The following KCNAB1 variants were observed in gnomAD, a reference collection of about 807,000 sequenced individuals.
KCNAB1 encodes the protein voltage-gated potassium channel subunit beta-1.
A neutral mutation model predicts 64.6 loss-of-function variants in KCNAB1; 35 were observed. The ratio of observed to expected loss-of-function variants is 0.54; its 90% CI spans 0.41 to 0.72. The LOEUF is 0.72. Ranked by LOEUF, KCNAB1 falls within the 30% of genes least tolerant of loss-of-function variation. The pLI is 0.00. For synonymous variants in KCNAB1, 177 were observed against 183.8 expected (o/e 0.96, Z 0.30); for missense variants, 401 against 512.9 (o/e 0.78, Z 2.11).
intron 1 of KCNAB1, among the ~76,000 whole-genome samples, chr3:156,337,162 C>A (rs1487774191): frequency 6.6e-6 from 1 of 152,144 alleles, no homozygotes; most frequent in Non-Finnish European, 1.5e-5. Flanking sequence ...CCAATAACTC[C>A]TCCTCTAGAA....
intron 1 of KCNAB1, among the ~76,000 whole-genome samples, chr3:156,354,325 G>A (rs1025931699): frequency 3.3e-5 from 5 of 151,222 alleles, no homozygotes; most frequent in African/African-American, 1.2e-4. Context: ...ACCATGCCCA[G>A]CTAATTTTGT....
intron 1 of KCNAB1, among the ~76,000 whole-genome samples, chr3:156,145,409 TCTC>T (rs1714979820): frequency 6.6e-6 from 1 of 152,110 alleles, no homozygotes; most frequent in South Asian, 2.1e-4. Context: ...TTTAAGACAT[TCTC>T]CTGCAACCAT....
chr3:156,441,930 G>T (rs1441914661), intron 2 of KCNAB1, among the ~76,000 whole-genome samples: 1 of 152,144 alleles, frequency 6.6e-6, no homozygotes, highest in Non-Finnish European at 1.5e-5. Context: ...TCTTGCTCAT[G>T]AATGGATCTT....
At position 156,317,016 on chromosome 3, in the gene KCNAB1, A is replaced by C. The variant is rs565761301; in HGVS notation, c.276-104600A>C. ...GAGAAATGACTAGCACAGGGCCCAG[A>C]GCATAAGTTCTCAATAAATGTTAGT... On this transcript the variant is annotated intron_variant, in intron 1 of 13. Transcript: ENST00000490337. 4.6e-5 allele frequency among the ~76,000 whole-genome samples: 7 copies of C among 152,294 alleles called. No homozygotes were observed. In the East Asian group the frequency reaches 1.3e-3, roughly 29 times the overall value.
At chr3:156,153,285 G>A (rs140076958) in intron 1 of KCNAB1, among the ~76,000 whole-genome samples, 23 of 152,318 alleles carry the variant, frequency 1.5e-4, no homozygotes, top group African/African-American at 5.5e-4. Flanking sequence ...ACTTGAGGAT[G>A]ACATTGTTCT....
chr3:156,340,988 C>T (rs796508450), intron 1 of KCNAB1, among the ~76,000 whole-genome samples: 2 of 152,068 alleles, frequency 1.3e-5, no homozygotes, highest in South Asian at 4.1e-4. Flanking sequence ...TTGGTTTTAT[C>T]GAATGACTAT....
intron 2 of KCNAB1, among the ~76,000 whole-genome samples, chr3:156,435,448 C>A (rs1369057196): frequency 6.6e-6 from 1 of 152,124 alleles, no homozygotes; most frequent in African/African-American, 2.4e-5. Context: ...GTTAATTTCC[C>A]CAGCACAGCT....
chr3:156,345,484 G>A (rs1178158943), intron 1 of KCNAB1, among the ~76,000 whole-genome samples: 1 of 152,214 alleles, frequency 6.6e-6, no homozygotes, highest in African/African-American at 2.4e-5. Flanking sequence ...GTTTGAGGGT[G>A]TTCCATTTGA....
chr3:156,163,285 C>G (rs1311698211), intron 1 of KCNAB1, among the ~76,000 whole-genome samples: 4 of 152,120 alleles, frequency 2.6e-5, no homozygotes, highest in Non-Finnish European at 5.9e-5. Context: ...AAATACAACT[C>G]AAGGCAAAAA....
chr3:156,124,233 T>C (rs1713516418), intron 1 of KCNAB1, among the ~76,000 whole-genome samples: 1 of 151,870 alleles, frequency 6.6e-6, no homozygotes, highest in African/African-American at 2.4e-5. Flanking sequence ...TTTTTTCTTT[T>C]TGAGATGGAG....
At chr3:156,284,252 G>A (rs1167792484) in intron 1 of KCNAB1, among the ~76,000 whole-genome samples, 4 of 151,204 alleles carry the variant, frequency 2.6e-5, no homozygotes, top group Non-Finnish European at 4.4e-5. Flanking sequence ...TGCCCCTGCT[G>A]GGGGGTGCCT....
At chr3:156,285,011 T>A (rs1255089473) in intron 1 of KCNAB1, among the ~76,000 whole-genome samples, 1 of 152,162 alleles carries the variant, frequency 6.6e-6, no homozygotes, top group Non-Finnish European at 1.5e-5. Flanking sequence ...TTAACCAATT[T>A]TTTTCTGTCG....
chr3:156,511,978 T>C (rs1475879577), intron 8 of KCNAB1, among the ~76,000 whole-genome samples: 1 of 152,204 alleles, frequency 6.6e-6, no homozygotes, highest in African/African-American at 2.4e-5. Flanking sequence ...CGAATGCTCT[T>C]CCACTGTTCT....
intron 1 of KCNAB1, chr3:156,292,070 C>T (rs749470319): frequency 1.2e-5 from 19 of 1,614,150 alleles, no homozygotes; most frequent in Non-Finnish European, 1.4e-5. Flanking sequence ...GACGTTCACG[C>T]CTCAGCATCA....
chr3:156,239,352 A>G (rs1717036324), intron 1 of KCNAB1, among the ~76,000 whole-genome samples: 1 of 152,162 alleles, frequency 6.6e-6, no homozygotes, highest in South Asian at 2.1e-4. Context: ...AGTAGTTTGT[A>G]TTTCTCTATG....
chr3:156,520,954 G>A (rs1320312819), intron 11 of KCNAB1, among the ~76,000 whole-genome samples: 1 of 152,146 alleles, frequency 6.6e-6, no homozygotes, highest in Non-Finnish European at 1.5e-5. Context: ...ACTAATTAGG[G>A]ATCTGGGGCA....
intron 1 of KCNAB1, among the ~76,000 whole-genome samples, chr3:156,226,410 C>G (rs1716171734): frequency 6.6e-6 from 1 of 152,116 alleles, no homozygotes; most frequent in South Asian, 2.1e-4. Context: ...CAAAAATCAA[C>G]TCAAGATGGA....
At position 156,253,916 on chromosome 3, in the gene KCNAB1, A is replaced by G. The variant is rs117109619; in HGVS notation, c.275+133030A>G. 1.8e-4 allele frequency among the ~76,000 whole-genome samples: 28 copies of G among 152,258 alleles called. No homozygotes were observed. In the East Asian group the frequency reaches 5.0e-3, roughly 27 times the overall value. On this transcript the variant is annotated intron_variant, in intron 1 of 13. Coordinates refer to ENST00000490337, the MANE Select transcript of KCNAB1 (RefSeq NM_172160.3). Reference sequence around the variant, plus strand: ...TGGAGGCCATGCCCCCAGCGATGTGATGGCTTTAAGTGGGGGTATATGATG... The same window carrying G: ...TGGAGGCCATGCCCCCAGCGATGTGGTGGCTTTAAGTGGGGGTATATGATG...
chr3:156,476,417 T>C (rs1714348473), intron 8 of KCNAB1, among the ~76,000 whole-genome samples: 1 of 152,034 alleles, frequency 6.6e-6, no homozygotes, highest in African/African-American at 2.4e-5. Flanking sequence ...CATTCCTGGG[T>C]TACTTCACTT....
Sources: allele counts gnomAD v4.1 joint callset (sites outside exome capture counted in the v4.1 genomes callset), GRCh38; gene constraint gnomAD v4.1.1; transcripts MANE v1.5; gene names NCBI Gene and HGNC (gene_info 2026-07-23, HGNC 2026-07-21).